PPM1D: variants seen among roughly 807,000 people sequenced by gnomAD.
The protein encoded by PPM1D is protein phosphatase 1D.
Under a neutral mutation model 58.3 loss-of-function variants are expected in PPM1D, and 52 were observed. That is an observed-to-expected ratio of 0.89 (90% CI 0.71 to 1.12). The LOEUF is 1.12. Ranked by LOEUF, PPM1D falls within the 50% of genes most tolerant of loss-of-function variation. PPM1D has a pLI of 0.00. For synonymous variants in PPM1D, 278 were observed against 285.1 expected (o/e 0.98, Z 0.25); for missense variants, 564 against 777.2 (o/e 0.73, Z 3.26).
At chr17:60,657,838 C>G (rs907802044) in intron 5 of PPM1D, among the ~76,000 whole-genome samples, 1 of 152,160 alleles carries the variant, frequency 6.6e-6, no homozygotes, top group Non-Finnish European at 1.5e-5. Flanking sequence ...CTCCCAGGTT[C>G]AGGTGATTCT....
intron 5 of PPM1D, 110 bp from the exon 6 acceptor site, chr17:60,662,885 C>A: frequency 2.0e-6 from 2 of 995,092 alleles, no homozygotes; most frequent in Non-Finnish European, 1.5e-6. Flanking sequence ...GAATGCATAC[C>A]CCGTTTTTGC....
At chr17:60,633,697 A>G (rs997776035) in intron 2 of PPM1D, among the ~76,000 whole-genome samples, 156 bp from the exon 3 acceptor site, 1 of 152,202 alleles carries the variant, frequency 6.6e-6, no homozygotes, top group African/African-American at 2.4e-5. Context: ...TCCTCTCTGA[A>G]CAGGAATTTT....
chr17:60,610,630 G>T (rs1199285411), intron 1 of PPM1D, among the ~76,000 whole-genome samples: 1 of 152,112 alleles, frequency 6.6e-6, no homozygotes, highest in South Asian at 2.1e-4. Flanking sequence ...TTTTTTTATT[G>T]GAGCACTGCC....
intron 3 of PPM1D, among the ~76,000 whole-genome samples, chr17:60,645,500 A>ATATATATATGTG (rs1423027566): frequency 8.1e-6 from 1 of 123,316 alleles, no homozygotes; most frequent in Non-Finnish European, 1.6e-5. Flanking sequence ...GTGTATGTGT[A>ATATATATATGTG]TATATATATG....
intron 4 of PPM1D, among the ~76,000 whole-genome samples, chr17:60,654,800 G>A (rs567289876): frequency 2.0e-5 from 3 of 151,294 alleles, no homozygotes; most frequent in South Asian, 2.1e-4. Flanking sequence ...CCTGGGAGGC[G>A]GAAGTTGCAG....
In PPM1D at chr17:60,603,496, C is replaced by T. The variant is rs1388685143; in HGVS notation, c.472+2610C>T. Among the ~76,000 whole-genome samples, 2 of 152,146 alleles carry T rather than the reference C, an allele frequency of 1.3e-5. 1 individual carries two copies. Among genetic ancestry groups the T allele is most frequent in the Admixed American group, 1.3e-4 (2 of 15,270 alleles). On this transcript the variant is annotated intron_variant, in intron 1 of 5. Coordinates refer to ENST00000305921, the MANE Select transcript of PPM1D (RefSeq NM_003620.4). Reference sequence around the variant, plus strand: ...AATAGAGGACAGCTGAATGGCCGGGCGCACGCCTGTAATCCCAGCACTTTG... The same window carrying T: ...AATAGAGGACAGCTGAATGGCCGGGTGCACGCCTGTAATCCCAGCACTTTG...
rs201612900 is a variant in PPM1D at position 60,600,671 on chromosome 17, C to T, written c.257C>T (p.Pro86Leu). The change falls in exon 1 of 6, where the codon CCG (proline) becomes CTG (leucine). Residue 86 changes from proline to leucine, a missense_variant. By Grantham distance (98) the Pro-to-Leu change is moderately conservative. Around this residue, in one of 7 missense-constraint regions of PPM1D, gnomAD observed 132 missense variants for 150.4 expected, o/e 0.88. Transcript: ENST00000305921. ...RDPLPDAGAS[P>L]APSRCCRRRS... ...CCTCTCCCGGACGCCGGGGCCTCGCCGGCACCTAGCCGCTGCTGCCGCCGC... is the reference window on the plus strand; with the variant it reads ...CCTCTCCCGGACGCCGGGGCCTCGCTGGCACCTAGCCGCTGCTGCCGCCGC... 9.0e-6 allele frequency: 14 copies of T among 1,563,782 alleles called. No individual in the cohort carries two copies. In the East Asian group the frequency reaches 2.9e-4, roughly 32 times the overall value.
At chr17:60,627,831 A>G (rs774633595) in intron 2 of PPM1D, among the ~76,000 whole-genome samples, 9 of 152,132 alleles carry the variant, frequency 5.9e-5, no homozygotes, top group Non-Finnish European at 8.8e-5. Context: ...TGAACTTTGC[A>G]TATTCTTACA....
At chr17:60,662,322 T>C (rs1214366986) in intron 5 of PPM1D, 3 of 152,076 alleles carry the variant, frequency 2.0e-5, no homozygotes, top group East Asian at 1.9e-4. Context: ...TAAAAGCTTT[T>C]TTTTCTTTTT....
At chr17:60,625,380 G>A (rs1367512311) in intron 2 of PPM1D, among the ~76,000 whole-genome samples, 2 of 152,096 alleles carry the variant, frequency 1.3e-5, no homozygotes, top group African/African-American at 2.4e-5. Flanking sequence ...ATTACAAATT[G>A]GTACTACCTA....
At chr17:60,645,618 A>G (rs1276428827) in intron 3 of PPM1D, among the ~76,000 whole-genome samples, 2 of 140,788 alleles carry the variant, frequency 1.4e-5, no homozygotes, top group African/African-American at 5.4e-5. Flanking sequence ...GTGTGTATAT[A>G]TATATGTATA....
chr17:60,612,615 A>G (rs2030481899), intron 1 of PPM1D, among the ~76,000 whole-genome samples: 1 of 152,188 alleles, frequency 6.6e-6, no homozygotes, highest in Non-Finnish European at 1.5e-5. Context: ...AGAAAATAGA[A>G]TTATTCTTGC....
chr17:60,637,817 A>G (rs1174358381), intron 3 of PPM1D, among the ~76,000 whole-genome samples: 3 of 152,214 alleles, frequency 2.0e-5, no homozygotes, highest in Admixed American at 1.3e-4. Context: ...GGGGATGTGA[A>G]TGGAAGAACA....
intron 5 of PPM1D, among the ~76,000 whole-genome samples, chr17:60,660,607 A>G (rs1372748700): frequency 2.6e-5 from 4 of 152,048 alleles, no homozygotes; most frequent in Non-Finnish European, 4.4e-5. Flanking sequence ...CTGAAAATAC[A>G]AAAATTAGCT....
intron 3 of PPM1D, among the ~76,000 whole-genome samples, chr17:60,638,569 A>G (rs769204170): frequency 6.6e-6 from 1 of 152,022 alleles, no homozygotes; most frequent in Non-Finnish European, 1.5e-5. Context: ...GGATCTCACC[A>G]TGTTGGCCAG....
At chr17:60,623,472 T>C (rs2030745663) in intron 1 of PPM1D, 49 bp from the exon 2 acceptor site, 1 of 1,535,546 alleles carries the variant, frequency 6.5e-7, no homozygotes, top group Non-Finnish European at 8.9e-7. Flanking sequence ...CCTGACAGTG[T>C]ATTAATGTTT....
At chr17:60,604,981 G>T (rs1045049746) in intron 1 of PPM1D, among the ~76,000 whole-genome samples, 1 of 151,034 alleles carries the variant, frequency 6.6e-6, no homozygotes, top group African/African-American at 2.5e-5. Flanking sequence ...ATCATACCCA[G>T]CTAATTTTTG....
In PPM1D at chr17:60,628,462, A is replaced by G. The variant is rs181226906; in HGVS notation, c.701+4713A>G. Among the ~76,000 whole-genome samples the G allele has an allele frequency of 5.9e-5, 9 of 152,272 alleles. No homozygotes were observed. In the East Asian group the frequency reaches 1.5e-3, roughly 26 times the overall value. ...GACACGTATCCATCATTATAGTATC[A>G]TGCAGATTAGTTTCATCACCGTAAG... On this transcript the variant is annotated intron_variant, in intron 2 of 5. Transcript: ENST00000305921.
At chr17:60,643,885 T>TTC (rs1261785590) in intron 3 of PPM1D, among the ~76,000 whole-genome samples, 7 of 134,948 alleles carry the variant, frequency 5.2e-5, no homozygotes, top group Non-Finnish European at 7.9e-5. Context: ...TTTCTTTTCT[T>TTC]TTTTTTTTTT....
Sources: gnomAD v4.1 joint callset for allele counts (sites outside exome capture counted in the v4.1 genomes callset) on GRCh38, gnomAD v4.1.1 for gene constraint, gnomAD v4.1.1 regional missense constraint, MANE v1.5 for transcripts, NCBI Gene and HGNC (gene_info 2026-07-23, HGNC 2026-07-21) for gene names.